Variants in KCNAB1 observed in about 807,000 individuals in gnomAD.
KCNAB1 encodes the protein voltage-gated potassium channel subunit beta-1.
Under a neutral mutation model 64.6 loss-of-function variants are expected in KCNAB1, and 35 were observed. The observed-to-expected ratio is 0.54, with a 90% confidence interval of 0.41 to 0.72. The LOEUF is 0.72. KCNAB1 is among the 30% of genes least tolerant of loss of function. KCNAB1 has a pLI of 0.00. For synonymous variants in KCNAB1, 177 were observed against 183.8 expected (o/e 0.96, Z 0.30); for missense variants, 401 against 512.9 (o/e 0.78, Z 2.11).
intron 8 of KCNAB1, among the ~76,000 whole-genome samples, chr3:156,513,217 A>T (rs951886295): frequency 6.6e-6 from 1 of 152,196 alleles, no homozygotes; most frequent in Non-Finnish European, 1.5e-5. Flanking sequence ...ATCTCAAAAA[A>T]AAAACAACAA....
At chr3:156,223,352 A>G (rs1715910765) in intron 1 of KCNAB1, among the ~76,000 whole-genome samples, 1 of 152,244 alleles carries the variant, frequency 6.6e-6, no homozygotes, top group African/African-American at 2.4e-5. Flanking sequence ...TTATTCTCTT[A>G]TCTGGCCCTA....
intron 1 of KCNAB1, among the ~76,000 whole-genome samples, chr3:156,303,521 T>C (rs1721292061): frequency 2.0e-5 from 3 of 152,142 alleles, no homozygotes; most frequent in Non-Finnish European, 4.4e-5. Context: ...ACCTTGCTGA[T>C]TGTGAACTCT....
At chr3:156,378,610 G>A (rs752664788) in intron 1 of KCNAB1, among the ~76,000 whole-genome samples, 4 of 152,004 alleles carry the variant, frequency 2.6e-5, no homozygotes, top group African/African-American at 4.8e-5. Flanking sequence ...TTTATTCAAC[G>A]TTAAATCAGG....
intron 1 of KCNAB1, among the ~76,000 whole-genome samples, chr3:156,278,823 A>C (rs1719510024): frequency 6.6e-6 from 1 of 152,190 alleles, no homozygotes; most frequent in Non-Finnish European, 1.5e-5. Flanking sequence ...TTCAAAAAAA[A>C]ATGCTACATC....
chr3:156,472,586 G>A (rs16826289), intron 7 of KCNAB1, among the ~76,000 whole-genome samples: 17,818 of 152,102 alleles, frequency 0.12, 1,756 homozygotes, highest in African/African-American at 0.27. Flanking sequence ...AGGGATCACT[G>A]GCCTCAGATA....
chr3:156,516,883 T>C (rs1717598797), intron 11 of KCNAB1, among the ~76,000 whole-genome samples: 1 of 152,196 alleles, frequency 6.6e-6, no homozygotes, highest in South Asian at 2.1e-4. Context: ...GACAGATACA[T>C]AGCAAAGCTT....
At chr3:156,273,282 C>G (rs1397449689) in intron 1 of KCNAB1, among the ~76,000 whole-genome samples, 1 of 152,200 alleles carries the variant, frequency 6.6e-6, no homozygotes, top group Non-Finnish European at 1.5e-5. Context: ...GCATAGCATT[C>G]AGACTTGCCT....
intron 1 of KCNAB1, among the ~76,000 whole-genome samples, chr3:156,349,069 G>A (rs1289357306): frequency 6.6e-6 from 1 of 152,196 alleles, no homozygotes; most frequent in African/African-American, 2.4e-5. Flanking sequence ...CTACTTTACA[G>A]AGGAAACTGA....
At chr3:156,267,261 C>T (rs963315985) in intron 1 of KCNAB1, among the ~76,000 whole-genome samples, 1 of 152,130 alleles carries the variant, frequency 6.6e-6, no homozygotes, top group African/African-American at 2.4e-5. Context: ...CATGTTAGAA[C>T]TGGCAGTAGA....
chr3:156,176,176 T>C (rs1712358930), intron 1 of KCNAB1: 1 of 774,186 alleles, frequency 1.3e-6, no homozygotes, highest in African/African-American at 1.7e-5. Context: ...GGACAAGAGA[T>C]AAGAACCTTC....
rs138351061 is a variant in KCNAB1 at position 156,247,799 on chromosome 3, A to G, written c.275+126913A>G. 1.7e-3 allele frequency among the ~76,000 whole-genome samples: 260 copies of G among 152,266 alleles called. 1 individual carries two copies. The highest frequency in any genetic ancestry group is 6.1e-3 in the African/African-American group (254 of 41,550). On this transcript the variant is annotated intron_variant, in intron 1 of 13. Coordinates refer to ENST00000490337, the MANE Select transcript of KCNAB1 (RefSeq NM_172160.3). ...AGGCTGGCCTTGAACTCCTGGGATC[A>G]AGTGATCTGCCCACCTCCGCCTCCC...
At chr3:156,152,495 G>A (rs1479364567) in intron 1 of KCNAB1, among the ~76,000 whole-genome samples, 1 of 152,194 alleles carries the variant, frequency 6.6e-6, no homozygotes. Context: ...AGGGGTGGGA[G>A]CTTTCAGAAA....
intron 1 of KCNAB1, among the ~76,000 whole-genome samples, chr3:156,171,187 G>GCACACACA (rs147202221): frequency 0.13 from 18,342 of 142,554 alleles, 1,337 homozygotes; most frequent in East Asian, 0.2. Context: ...GAAACTTCAC[G>GCACACACA]CACACATACA....
chr3:156,516,417 G>A (rs906976975), intron 11 of KCNAB1, 53 bp downstream of exon 11: 67 of 1,321,134 alleles, frequency 5.1e-5, no homozygotes, highest in Admixed American at 4.7e-4. Flanking sequence ...GAGGGAAGAA[G>A]GTTGGTAAGA....
At chr3:156,364,270 G>T (rs1725805365) in intron 1 of KCNAB1, among the ~76,000 whole-genome samples, 1 of 152,226 alleles carries the variant, frequency 6.6e-6, no homozygotes, top group African/African-American at 2.4e-5. Context: ...TATGATAAAT[G>T]AGGTTTATTT....
At chr3:156,318,860 C>T (rs1380627563) in intron 1 of KCNAB1, among the ~76,000 whole-genome samples, 2 of 152,122 alleles carry the variant, frequency 1.3e-5, no homozygotes, top group African/African-American at 4.8e-5. Context: ...GTTCTCTGTG[C>T]TGCAGACAAG....
At chr3:156,201,712 T>C (rs996296580) in intron 1 of KCNAB1, among the ~76,000 whole-genome samples, 1 of 152,164 alleles carries the variant, frequency 6.6e-6, no homozygotes. Context: ...GCTGCATGCA[T>C]ACACTCATGC....
At chr3:156,525,031 C>T (rs745582607) in intron 12 of KCNAB1, among the ~76,000 whole-genome samples, 36 of 152,058 alleles carry the variant, frequency 2.4e-4, no homozygotes, top group Non-Finnish European at 4.4e-4. Context: ...AAGTCTAGCA[C>T]ACACAATCAT....
intron 2 of KCNAB1, among the ~76,000 whole-genome samples, chr3:156,449,873 T>A (rs752565898): frequency 1.3e-5 from 2 of 152,114 alleles, no homozygotes; most frequent in Non-Finnish European, 2.9e-5. Context: ...AGTCAAAAAA[T>A]ATAGATAAGT....
Sources: gnomAD v4.1 joint callset for allele counts (sites outside exome capture counted in the v4.1 genomes callset) on GRCh38, gnomAD v4.1.1 for gene constraint, MANE v1.5 for transcripts, NCBI Gene and HGNC (gene_info 2026-07-23, HGNC 2026-07-21) for gene names.